Variants in USP13 observed in about 807,000 individuals in gnomAD.
USP13 encodes ubiquitin specific peptidase 13, also known as ubiquitin carboxyl-terminal hydrolase 13.
In USP13, 68 loss-of-function variants were observed where a neutral mutation model predicts 107.8. That is an observed-to-expected ratio of 0.63 (90% CI 0.52 to 0.77). The LOEUF (loss-of-function observed/expected upper bound fraction) is 0.77, where lower values mean the gene tolerates loss of function less well. USP13 is among the 30% of genes least tolerant of loss of function. The probability of loss-of-function intolerance (pLI) is 0.00; values close to 1 mark genes in which losing one functional copy is unlikely to be tolerated. For missense variants in USP13, 945 were observed against 1,093.3 expected, an observed-to-expected ratio of 0.86 and a Z score of 1.91; for synonymous variants, 377 against 389.5, an observed-to-expected ratio of 0.97 and a Z score of 0.38.
chr3:179,777,361 G>A (rs1715581222), intron 19 of USP13, among the ~76,000 whole-genome samples: 1 of 151,120 alleles, frequency 6.6e-6, no homozygotes, highest in African/African-American at 2.4e-5. Flanking sequence ...TAAACACTCT[G>A]TTGAATTGCT....
rs7626605 is a variant in USP13, at chr3:179,681,414, C to T, written c.169-464C>T. On this transcript the variant is annotated intron_variant, in intron 1 of 20. Transcript: ENST00000263966. Reference sequence around the variant, plus strand: ...TTAGCTGAAGCAATTTTTACAGAAGCAGAACTGGCAAAAAGTTAAAAAAGT... The same window carrying T: ...TTAGCTGAAGCAATTTTTACAGAAGTAGAACTGGCAAAAAGTTAAAAAAGT... Among the ~76,000 whole-genome samples, 140 of 152,078 alleles carry T rather than the reference C, an allele frequency of 9.2e-4. 1 individual carries two copies. Among genetic ancestry groups the T allele is most frequent in the Middle Eastern group, 3.4e-3 (1 of 294 alleles).
chr3:179,659,691 A>T (rs1008758116), intron 1 of USP13, among the ~76,000 whole-genome samples: 2 of 152,202 alleles, frequency 1.3e-5, no homozygotes, highest in Admixed American at 1.3e-4. Context: ...CCAGAGAGTA[A>T]GTAGGAGAGC....
At chr3:179,723,089 G>A (rs551768723) in intron 8 of USP13, among the ~76,000 whole-genome samples, 2 of 152,314 alleles carry the variant, frequency 1.3e-5, no homozygotes, top group Middle Eastern at 3.4e-3. Flanking sequence ...GTGCGGAAGA[G>A]GACATATATG....
intron 19 of USP13, among the ~76,000 whole-genome samples, chr3:179,775,358 A>C (rs1715490760): frequency 6.6e-6 from 1 of 152,218 alleles, no homozygotes; most frequent in South Asian, 2.1e-4. Context: ...ATGAACCCCA[A>C]GCTAGACACA....
intron 2 of USP13, among the ~76,000 whole-genome samples, chr3:179,686,262 T>C (rs972438673): frequency 6.6e-6 from 1 of 152,212 alleles, no homozygotes; most frequent in African/African-American, 2.4e-5. Context: ...AGGGAATCCC[T>C]GGACAGGAAC....
chr3:179,676,909 C>T (rs373542222), intron 1 of USP13, among the ~76,000 whole-genome samples: 26 of 152,140 alleles, frequency 1.7e-4, no homozygotes, highest in African/African-American at 5.8e-4. Flanking sequence ...CGCAGGCTGG[C>T]GTGCAGTGGC....
Position 179,662,320 on chromosome 3 carries a change from C to T in USP13, c.168+8927C>T, listed in dbSNP as rs553495836. Among the ~76,000 whole-genome samples the T allele has an allele frequency of 4.6e-5, 7 of 152,236 alleles. No homozygotes were observed. In the East Asian group the frequency reaches 7.7e-4, roughly 17 times the overall value. On this transcript the variant is annotated intron_variant, in intron 1 of 20. Coordinates refer to ENST00000263966, the MANE Select transcript of USP13 (RefSeq NM_003940.3). Reference sequence around the variant, plus strand: ...GTGGAGGTGAGGTTTGGGGCTCTGACGGCTACATAGAAAACCTTTCTCTTT... The same window carrying T: ...GTGGAGGTGAGGTTTGGGGCTCTGATGGCTACATAGAAAACCTTTCTCTTT...
At chr3:179,719,423 G>A (rs914109035) in intron 6 of USP13, among the ~76,000 whole-genome samples, 3 of 152,122 alleles carry the variant, frequency 2.0e-5, no homozygotes, top group Non-Finnish European at 2.9e-5. Flanking sequence ...AGGTAGAGGC[G>A]GTGAGTGGTA....
intron 1 of USP13, among the ~76,000 whole-genome samples, chr3:179,668,203 C>G (rs188048083): frequency 6.6e-6 from 1 of 152,226 alleles, no homozygotes; most frequent in East Asian, 1.9e-4. Flanking sequence ...TCTCGCTATG[C>G]TGCCCAGGCT....
At position 179,740,753 on chromosome 3, in the gene USP13, C is replaced by T. The variant is rs369639367; in HGVS notation, c.1380+381C>T. Among the ~76,000 whole-genome samples the T allele has an allele frequency of 2.6e-3, 394 of 151,968 alleles. 2 individuals are homozygous for T. Among genetic ancestry groups the T allele is most frequent in the African/African-American group, 9.1e-3 (376 of 41,452 alleles). ...ATGATGAGTCTGCTTACATCAGAAT[C>T]GAATGCCATTAAAAACTTTTTTTTT... On this transcript the variant is annotated intron_variant, in intron 11 of 20. Coordinates refer to ENST00000263966, the MANE Select transcript of USP13 (RefSeq NM_003940.3).
intron 8 of USP13, among the ~76,000 whole-genome samples, chr3:179,725,506 C>A (rs962357758): frequency 1.3e-5 from 2 of 152,220 alleles, no homozygotes; most frequent in Non-Finnish European, 2.9e-5. Context: ...CCTCTAGGTA[C>A]ATAATCTGAG....
chr3:179,757,852 A>G (rs1387565163), intron 16 of USP13, among the ~76,000 whole-genome samples: 1 of 152,206 alleles, frequency 6.6e-6, no homozygotes, highest in Non-Finnish European at 1.5e-5. Context: ...AGAGTCAGCA[A>G]GGGTCAGCCT....
At chr3:179,677,575 A>C (rs927419222) in intron 1 of USP13, among the ~76,000 whole-genome samples, 12 of 152,088 alleles carry the variant, frequency 7.9e-5, no homozygotes, top group Admixed American at 7.2e-4. Flanking sequence ...AACAAAATTC[A>C]ATGAGAAAAT....
Position 179,730,688 on chromosome 3 carries a change from G to A in USP13, c.1233G>A (p.Gln411=). Residue 411 remains glutamine, a synonymous_variant, in exon 10 of 21, where the codon CAG becomes CAA. Coordinates refer to ENST00000263966, the MANE Select transcript of USP13 (RefSeq NM_003940.3). ...CGGTGAAATCTGAACTCATTGAACAGGTGATGAAGGAGGAGCACAAGGTAT... is the reference window on the plus strand; with the variant it reads ...CGGTGAAATCTGAACTCATTGAACAAGTGATGAAGGAGGAGCACAAGGTAT... ...KPPVKSELIE[Q]VMKEEHKPQQ... 1.9e-6 allele frequency: 3 copies of A among 1,614,100 alleles called. No homozygotes were observed. Among genetic ancestry groups the A allele is most frequent in the Non-Finnish European group, 2.5e-6 (3 of 1,179,954 alleles).
chr3:179,782,870 C>T (rs563652295), intron 20 of USP13, among the ~76,000 whole-genome samples: 25 of 152,230 alleles, frequency 1.6e-4, no homozygotes, highest in African/African-American at 5.5e-4. Flanking sequence ...CTCAGTCTCC[C>T]AAGTAGCTGG....
chr3:179,736,198 T>C (rs1285509531), intron 10 of USP13, among the ~76,000 whole-genome samples: 3 of 152,236 alleles, frequency 2.0e-5, no homozygotes, highest in East Asian at 1.9e-4. Context: ...ATTGATTTGT[T>C]GAAGGAGCTG....
chr3:179,778,198 A>G (rs1249618866), intron 19 of USP13, among the ~76,000 whole-genome samples: 3 of 152,156 alleles, frequency 2.0e-5, no homozygotes, highest in Non-Finnish European at 2.9e-5. Flanking sequence ...TCACCAGTTT[A>G]TACCCCAATA....
At chr3:179,783,627 G>A (rs1183051122) in intron 20 of USP13, among the ~76,000 whole-genome samples, 9 of 152,018 alleles carry the variant, frequency 5.9e-5, no homozygotes. Flanking sequence ...TTCTATAAAG[G>A]GAGTTATGGG....
chr3:179,776,279 C>G (rs1715535161), intron 19 of USP13, among the ~76,000 whole-genome samples: 1 of 152,084 alleles, frequency 6.6e-6, no homozygotes, highest in South Asian at 2.1e-4. Flanking sequence ...AGTACAGGAA[C>G]AGGTTGTGGG....
Sources: gnomAD v4.1 joint callset for allele counts (sites outside exome capture counted in the v4.1 genomes callset) on GRCh38, gnomAD v4.1.1 for gene constraint, MANE v1.5 for transcripts, NCBI Gene and HGNC (gene_info 2026-07-23, HGNC 2026-07-21) for gene names.